Variants in ARID4B observed in about 807,000 individuals in gnomAD.
ARID4B encodes the protein AT-rich interactive domain-containing protein 4B.
Under a neutral mutation model 147.5 loss-of-function variants are expected in ARID4B, and 26 were observed. The ratio of observed to expected loss-of-function variants is 0.18; its 90% CI spans 0.13 to 0.24. The LOEUF is 0.24. Among genes scored for constraint, ARID4B ranks in the 10% least tolerant of loss-of-function variants. The pLI is 1.00. For missense variants in ARID4B, 1,179 were observed against 1,511.5 expected, an observed-to-expected ratio of 0.78 and a Z score of 3.65; for synonymous variants, 512 against 507.9, an observed-to-expected ratio of 1.01 and a Z score of -0.11.
At chr1:235,201,664 T>C (rs1317485480) in intron 17 of ARID4B, among the ~76,000 whole-genome samples, 1 of 152,076 alleles carries the variant, frequency 6.6e-6, no homozygotes, top group East Asian at 1.9e-4. Flanking sequence ...TACAAACCTT[T>C]TGGTTTTAAA....
chr1:235,216,330 CACAT>C (rs1411302387), intron 16 of ARID4B, among the ~76,000 whole-genome samples: 4 of 136,850 alleles, frequency 2.9e-5, no homozygotes, highest in African/African-American at 1.2e-4. Context: ...CACACACACA[CACAT>C]ATATACGTGT....
intron 11 of ARID4B, 23 bp downstream of exon 11, chr1:235,229,208 A>G (rs1176582300): frequency 1.3e-6 from 2 of 1,597,018 alleles, no homozygotes; most frequent in Non-Finnish European, 1.7e-6. Flanking sequence ...TAATTTTAAA[A>G]GGTATCAACT....
At chr1:235,309,163 C>T (rs1219106554) in intron 2 of ARID4B, among the ~76,000 whole-genome samples, 1 of 147,976 alleles carries the variant, frequency 6.8e-6, no homozygotes, top group Non-Finnish European at 1.5e-5. Flanking sequence ...TCTGCCCGGC[C>T]GTGACCCCGT....
chr1:235,248,775 A>C (rs1669459529), intron 6 of ARID4B, among the ~76,000 whole-genome samples: 1 of 152,212 alleles, frequency 6.6e-6, no homozygotes, highest in African/African-American at 2.4e-5. Flanking sequence ...CCCTATCTCA[A>C]TGTCCAGGAA....
intron 2 of ARID4B, among the ~76,000 whole-genome samples, chr1:235,321,788 T>C (rs1674855831): frequency 2.6e-5 from 4 of 151,176 alleles, no homozygotes; most frequent in Admixed American, 2.0e-4. Flanking sequence ...TGTGAGCCAC[T>C]GTGCCCGGCC....
chr1:235,180,993 G>T, intron 20 of ARID4B: 2 of 412,042 alleles, frequency 4.9e-6, no homozygotes, highest in Non-Finnish European at 6.7e-6. Flanking sequence ...TATTACTGTA[G>T]GTTATTAACG....
At chr1:235,212,380 T>C (rs532822009) in intron 17 of ARID4B, among the ~76,000 whole-genome samples, 3 of 152,346 alleles carry the variant, frequency 2.0e-5, no homozygotes, top group South Asian at 2.1e-4. Context: ...GCTCTGACGA[T>C]AGGTATTCTT....
chr1:235,276,418 A>G lies in ARID4B; in HGVS notation c.7-15666T>C, dbSNP rs569146307. ...ATATATTTACACTTTTTAAAAAACA[A>G]TAGTTTACATCTTCAACAGACTCTT... is the stretch of plus-strand genomic sequence containing the variant. On this transcript the variant is annotated intron_variant, in intron 2 of 23. Coordinates refer to ENST00000264183, the MANE Select transcript of ARID4B (RefSeq NM_016374.6). Among the ~76,000 whole-genome samples the G allele has an allele frequency of 1.1e-3, 172 of 152,260 alleles. 1 individual carries two copies. The highest frequency in any genetic ancestry group is 4.1e-3 in the African/African-American group (169 of 41,556).
chr1:235,230,618 C>CAAAAAAAAAAAA (rs1668154034), intron 10 of ARID4B, among the ~76,000 whole-genome samples: 7 of 45,836 alleles, frequency 1.5e-4, no homozygotes, highest in Non-Finnish European at 2.2e-4. Flanking sequence ...AAAAAAAAAC[C>CAAAAAAAAAAAA]AGAAAAAAAA....
At chr1:235,231,325 T>G (rs1668221155) in intron 9 of ARID4B, 136 bp from the exon 10 acceptor site, 2 of 546,844 alleles carry the variant, frequency 3.7e-6, no homozygotes, top group East Asian at 6.4e-5. Flanking sequence ...TAAAAGTGAT[T>G]GCACACAGAG....
At chr1:235,237,673 A>C (rs12732702) in intron 8 of ARID4B, among the ~76,000 whole-genome samples, 1 of 152,220 alleles carries the variant, frequency 6.6e-6, no homozygotes, top group Non-Finnish European at 1.5e-5. Context: ...TAGCACAAAA[A>C]CCACAAATAT....
In ARID4B at chr1:235,182,300, C is replaced by T. The variant is rs779994339; in HGVS notation, c.2619G>A (p.Met873Ile). ...AACCATTGTATTTCTTAGTTGGTGT[C>T]ATCTTTGCTTTTGTTTCTTCTTCAT... Reference protein sequence around the residue: ...DEDEEETKAKMTPTKKYNGLE... With the variant: ...DEDEEETKAKITPTKKYNGLE... The change falls in exon 20 of 24, where the codon ATG becomes ATA. Residue 873 changes from methionine (M) to isoleucine (I), a missense_variant. Physicochemically the swap from Met to Ile is conservative, Grantham distance 10. This residue lies in a region of ARID4B where 321 missense variants were observed against 342.4 expected (regional missense o/e 0.94). Coordinates refer to ENST00000264183, the MANE Select transcript of ARID4B (RefSeq NM_016374.6). 3 of 1,613,938 alleles carry T rather than the reference C, an allele frequency of 1.9e-6. No homozygotes were observed. The South Asian group carries it at 3.3e-5, about 18-fold the overall frequency.
intron 2 of ARID4B, among the ~76,000 whole-genome samples, chr1:235,282,843 C>T (rs906006925): frequency 2.0e-5 from 3 of 152,076 alleles, no homozygotes; most frequent in Non-Finnish European, 4.4e-5. Flanking sequence ...TGCAGTGGCA[C>T]GATCTCGGCT....
At chr1:235,214,840 T>TTG in intron 16 of ARID4B, among the ~76,000 whole-genome samples, 1 of 144,920 alleles carries the variant, frequency 6.9e-6, no homozygotes, top group East Asian at 2.0e-4. Context: ...TTACATCCTT[T>TTG]TTTTTTTTTT....
chr1:235,169,509 G>A (rs762116138), intron 23 of ARID4B, among the ~76,000 whole-genome samples: 14 of 150,794 alleles, frequency 9.3e-5, no homozygotes, highest in South Asian at 2.1e-4. Flanking sequence ...CCAAAATGCC[G>A]GGATTACAGG....
At chr1:235,292,761 CTTTT>C (rs1672421858) in intron 2 of ARID4B, among the ~76,000 whole-genome samples, 1 of 152,002 alleles carries the variant, frequency 6.6e-6, no homozygotes, top group African/African-American at 2.4e-5. Context: ...TGAACTTTAA[CTTTT>C]TTGATTACTA....
At chr1:235,212,472 G>C (rs1013479330) in intron 17 of ARID4B, among the ~76,000 whole-genome samples, 2 of 152,156 alleles carry the variant, frequency 1.3e-5, no homozygotes, top group African/African-American at 4.8e-5. Flanking sequence ...CATGACTTAA[G>C]TTGCTATTTG....
Position 235,268,909 on chromosome 1 carries a change from G to A in ARID4B, c.7-8157C>T, listed in dbSNP as rs74625525. Among the ~76,000 whole-genome samples the A allele has an allele frequency of 9.9e-3, 1,511 of 152,286 alleles. 71 individuals are homozygous for A. Among genetic ancestry groups the A allele is most frequent in the Admixed American group, 0.08 (1,222 of 15,288 alleles). On this transcript the variant is annotated intron_variant, in intron 2 of 23. Transcript: ENST00000264183. ...GTGTCAGAAAGTAAAGAAATGGTGC[G>A]ATTAATGATAGGGACATTTCAAACA...
chr1:235,222,610 T>TA lies in ARID4B; in HGVS notation c.1065+555dup, dbSNP rs1441885079. Among the ~76,000 whole-genome samples the TA allele has an allele frequency of 2.7e-5, 4 of 146,280 alleles. No homozygotes were observed. The East Asian group carries it at 7.9e-4, about 29-fold the overall frequency. ...CAATATGGCTGTGCTGTGACTCAGA[T>TA]AAAAAAAGAAGGTTTATGAAAGATT... On this transcript the variant is annotated intron_variant, in intron 13 of 23. Coordinates refer to ENST00000264183, the MANE Select transcript of ARID4B (RefSeq NM_016374.6).
Sources: allele counts gnomAD v4.1 joint callset (sites outside exome capture counted in the v4.1 genomes callset), GRCh38; gene constraint gnomAD v4.1.1; regional missense constraint gnomAD v4.1.1; transcripts MANE v1.5; gene names NCBI Gene and HGNC (gene_info 2026-07-23, HGNC 2026-07-21).